Variants in SIM1 observed in about 807,000 individuals in gnomAD.
The protein encoded by SIM1 is single-minded homolog 1.
A neutral mutation model predicts 78.2 loss-of-function variants in SIM1; 18 were observed. That is an observed-to-expected ratio of 0.23 (90% CI 0.16 to 0.34). SIM1 has a LOEUF of 0.34. Ranked by LOEUF, SIM1 falls within the 10% of genes least tolerant of loss-of-function variation. SIM1 has a pLI of 1.00. For synonymous variants in SIM1, 417 were observed against 385.2 expected (o/e 1.08, Z -0.97); for missense variants, 939 against 975.1 (o/e 0.96, Z 0.49).
Position 100,453,795 on chromosome 6 carries a change from G to T in SIM1, c.225C>A (p.Asn75Lys). ...GHSSRTSPLD[N>K]VGRELGSHLL... ...GATGGGAGCCCAGTTCTCGGCCAAC[G>T]TTGTCCAGGGGGCTGGTCCGACTTG... is the stretch of plus-strand genomic sequence containing the variant. Residue 75 changes from asparagine to lysine, a missense_variant, in exon 3 of 12, where the codon AAC (asparagine) becomes AAA (lysine). This residue lies in a region of SIM1 where 121 missense variants were observed against 124.6 expected (regional missense o/e 0.97). Transcript: ENST00000369208. The T allele has an allele frequency of 6.2e-7, 1 of 1,612,076 alleles. No homozygotes were observed. The highest frequency in any genetic ancestry group is 8.5e-7 in the Non-Finnish European group (1 of 1,179,126).
intron 10 of SIM1, among the ~76,000 whole-genome samples, chr6:100,403,820 ACT>A (rs1013754588): frequency 9.2e-5 from 14 of 152,184 alleles, no homozygotes; most frequent in South Asian, 2.1e-4. Context: ...TTCCGTACAC[ACT>A]GTTTTATTAA....
rs917910447 is a variant in SIM1, at chr6:100,390,582, C to G, written c.2080G>C (p.Val694Leu). ...PHQTAGDHPTVSPNCFGSHRQ... is the reference protein window; with the variant it reads ...PHQTAGDHPTLSPNCFGSHRQ... ...TGAGAGCCAAAGCAGTTTGGAGAGA[C>G]AGTAGGGTGGTCTCCTGCTGTCTGA... Residue 694 changes from valine (V) to leucine (L), a missense_variant, in exon 12 of 12, where the codon GTC becomes CTC. Coordinates refer to ENST00000369208, the MANE Select transcript of SIM1 (RefSeq NM_005068.3). The G allele has an allele frequency of 7.4e-6, 12 of 1,614,052 alleles. No homozygotes were observed. Among genetic ancestry groups the G allele is most frequent in the Non-Finnish European group, 9.3e-6 (11 of 1,180,026 alleles).
chr6:100,425,067 G>A (rs1435431461), intron 9 of SIM1, among the ~76,000 whole-genome samples: 1 of 152,110 alleles, frequency 6.6e-6, no homozygotes, highest in African/African-American at 2.4e-5. Context: ...AATCATGGGG[G>A]CCAGTCTTTC....
In SIM1 at chr6:100,449,598, G is replaced by A. The variant is rs368515157; in HGVS notation, c.450C>T (p.Phe150=). ...GGCATGTGTCTACCTTACCCTGCAC[G>A]AAGTGAGAGTGGTAGGGTTGATGGG... ...LTAHQPYHSH[F]VQEYEIERSF... Residue 150 remains phenylalanine (F), a synonymous_variant, in exon 5 of 12, where the codon TTC becomes TTT. Transcript: ENST00000369208. The A allele has an allele frequency of 2.5e-6, 4 of 1,613,518 alleles. No homozygotes were observed. In the African/African-American group the frequency reaches 5.3e-5, roughly 21 times the overall value.
chr6:100,463,219 C>T (rs1429466864), intron 2 of SIM1, 75 bp downstream of exon 2: 3 of 1,332,680 alleles, frequency 2.3e-6, no homozygotes, highest in Middle Eastern at 4.8e-4. Context: ...TCTCTGGTCA[C>T]TGATGTCGGC....
At position 100,393,509 on chromosome 6, in the gene SIM1, G is replaced by T. The variant is rs1770691502; in HGVS notation, c.1548C>A (p.Ile516=). 6.4e-7 allele frequency: 1 copy of T among 1,557,456 alleles called. No homozygotes were observed. The highest frequency in any genetic ancestry group is 8.7e-7 in the Non-Finnish European group (1 of 1,148,132). The change falls in exon 11 of 12, where the codon ATC becomes ATA. Residue 516 remains isoleucine, a synonymous_variant. Coordinates refer to ENST00000369208, the MANE Select transcript of SIM1 (RefSeq NM_005068.3). ...TACCATGGATCCTGTGGACTGAAGC[G>T]ATGTGAGGCATGCTGTTTTCATAGG... The part of the protein sequence containing the change: ...REAYENSMPH[I]ASVHRIHGRG...
intron 9 of SIM1, among the ~76,000 whole-genome samples, chr6:100,428,678 G>A (rs1431796917): frequency 2.0e-5 from 3 of 151,932 alleles, no homozygotes; most frequent in African/African-American, 7.3e-5. Flanking sequence ...CCTTATCCGA[G>A]GGAGTACATT....
In SIM1 at chr6:100,420,868, G is replaced by A. The variant is rs772879048; in HGVS notation, c.1089C>T (p.Thr363=). ...TGGCCCCCTTTCTGTTGTCAGTCAT[G>A]GTGGGGGTGGAGCTGCTGGTATAGG... ...AFSYTSSSTP[T]MTDNRKGAKS... Residue 363 remains threonine, a synonymous_variant, in exon 10 of 12, where the codon ACC becomes ACT. Coordinates refer to ENST00000369208, the MANE Select transcript of SIM1 (RefSeq NM_005068.3). 9 of 1,613,986 alleles carry A rather than the reference G, an allele frequency of 5.6e-6. No individual in the cohort carries two copies. The highest frequency in any genetic ancestry group is 1.3e-5 in the African/African-American group (1 of 74,920).
chr6:100,410,433 C>T (rs531131200), intron 10 of SIM1, among the ~76,000 whole-genome samples: 1 of 152,274 alleles, frequency 6.6e-6, no homozygotes, highest in East Asian at 1.9e-4. Context: ...CTAACTCTTC[C>T]CCAGATCCAA....
At chr6:100,404,669 C>T (rs1771009566) in intron 10 of SIM1, among the ~76,000 whole-genome samples, 1 of 151,748 alleles carries the variant, frequency 6.6e-6, no homozygotes, top group Non-Finnish European at 1.5e-5. Flanking sequence ...TTAAAATAAC[C>T]CCCACTTCTC....
At chr6:100,464,254 A>G (rs970392762) in intron 1 of SIM1, among the ~76,000 whole-genome samples, 1 of 152,148 alleles carries the variant, frequency 6.6e-6, no homozygotes, top group East Asian at 1.9e-4. Context: ...CGCACGTCCC[A>G]GGAAAGCAGG....
chr6:100,456,681 C>A (rs1205786852), intron 2 of SIM1, among the ~76,000 whole-genome samples: 1 of 152,078 alleles, frequency 6.6e-6, no homozygotes, highest in Non-Finnish European at 1.5e-5. Flanking sequence ...TCCCAGGCCC[C>A]CCTCTTCCCT....
chr6:100,389,382 A>G lies in SIM1; in HGVS notation c.*979T>C, dbSNP rs1268348609. 1 of 379,498 alleles carries G rather than the reference A, an allele frequency of 2.6e-6. No homozygotes were observed. The highest frequency in any genetic ancestry group is 4.7e-6 in the Non-Finnish European group (1 of 214,306). 23.5% of individuals were successfully genotyped at this position (379,498 alleles called of 1,614,324 possible). ...TTTTCAAACACTTAACACTGCTGTC[A>G]TGTGGCACTTCACTGGTTTTCCTTT... On this transcript the variant is annotated 3_prime_UTR_variant, in exon 12 of 12. Transcript: ENST00000369208.
rs1321106313 is a variant in SIM1, at chr6:100,390,725, T to C, written c.1937A>G (p.Asn646Ser). Residue 646 changes from asparagine to serine, a missense_variant, in exon 12 of 12, where the codon AAT becomes AGT. Around this residue, in one of 5 missense-constraint regions of SIM1, gnomAD observed 556 missense variants for 521.9 expected, o/e 1.07. Coordinates refer to ENST00000369208, the MANE Select transcript of SIM1 (RefSeq NM_005068.3). ...TGCGGTGGGACTGTTGTCATAGTCA[T>C]TTTCATGGGGGCTCAACATTTTTCC... ...REGKMLSPHE[N>S]DYDNSPTALS... 6.2e-7 allele frequency: 1 copy of C among 1,614,132 alleles called. No individual in the cohort carries two copies. Among genetic ancestry groups the C allele is most frequent in the Non-Finnish European group, 8.5e-7 (1 of 1,180,020 alleles).
intron 10 of SIM1, among the ~76,000 whole-genome samples, chr6:100,416,128 T>A (rs917509294): frequency 1.3e-5 from 2 of 151,812 alleles, no homozygotes; most frequent in Admixed American, 1.3e-4. Flanking sequence ...TAAAAACTCT[T>A]AGTCTGTAAG....
chr6:100,394,941 T>C (rs538819635), intron 10 of SIM1, among the ~76,000 whole-genome samples: 2 of 152,266 alleles, frequency 1.3e-5, no homozygotes, highest in East Asian at 3.9e-4. Flanking sequence ...AGATAAAACT[T>C]GAAATATGCA....
Position 100,393,915 on chromosome 6 carries a change from C to A in SIM1, c.1168-26G>T, listed in dbSNP as rs1770708911. On this transcript the variant is annotated intron_variant, in intron 10 of 11. Coordinates refer to ENST00000369208, the MANE Select transcript of SIM1 (RefSeq NM_005068.3). Reference sequence around the variant, plus strand: ...CTGAAACCGAGTAGGGGAGAAAAGTCCATTTCAAAAATCAATCGATCAGTA... The same window carrying A: ...CTGAAACCGAGTAGGGGAGAAAAGTACATTTCAAAAATCAATCGATCAGTA... 5.3e-6 allele frequency: 8 copies of A among 1,513,786 alleles called. No individual in the cohort carries two copies. The South Asian group carries it at 9.3e-5, about 18-fold the overall frequency. The allele number at this position is 1,513,786 out of a possible 1,614,324, so 93.8% of individuals were successfully genotyped here. A position where few individuals can be genotyped will look rare whatever the true frequency, so the allele number is the denominator to read the frequency against.
rs1428227458 is a variant in SIM1 at position 100,391,065 on chromosome 6, C to T, written c.1597G>A (p.Val533Met). 1.9e-6 allele frequency: 3 copies of T among 1,609,754 alleles called. No individual in the cohort carries two copies. The highest frequency in any genetic ancestry group is 1.1e-5 in the South Asian group (1 of 90,132). Residue 533 changes from valine to methionine, a missense_variant, in exon 12 of 12, where the codon GTG becomes ATG. Physicochemically the swap from Val to Met is conservative, Grantham distance 21. Coordinates refer to ENST00000369208, the MANE Select transcript of SIM1 (RefSeq NM_005068.3). ...GACCCAGGGTCTGGAGAACTGACCACACTATCTTCATCCCAATGACCTCGC... is the reference window on the plus strand; with the variant it reads ...GACCCAGGGTCTGGAGAACTGACCATACTATCTTCATCCCAATGACCTCGC... ...HGRGHWDEDS[V>M]VSSPDPGSAS...
chr6:100,415,909 G>C (rs1196989559), intron 10 of SIM1, among the ~76,000 whole-genome samples: 1 of 151,762 alleles, frequency 6.6e-6, no homozygotes, highest in African/African-American at 2.4e-5. Flanking sequence ...CTCATACAAT[G>C]GGCCCCAGTA....
Sources: gnomAD v4.1 joint callset for allele counts (sites outside exome capture counted in the v4.1 genomes callset) on GRCh38, gnomAD v4.1.1 for gene constraint, gnomAD v4.1.1 regional missense constraint, MANE v1.5 for transcripts, NCBI Gene and HGNC (gene_info 2026-07-23, HGNC 2026-07-21) for gene names.